RASAL1: variants seen among roughly 807,000 people sequenced by gnomAD.
RASAL1 encodes the protein RAS protein activator like 1, also known as rasGAP-activating-like protein 1.
RASAL1 carries 72 observed loss-of-function variants against 96.6 expected under a neutral mutation model. The observed-to-expected ratio is 0.75, with a 90% CI of 0.62 to 0.91. The LOEUF is 0.91. RASAL1 is among the 40% of genes least tolerant of loss of function. RASAL1 has a pLI of 0.00. For missense variants in RASAL1, 1,016 were observed against 1,072.5 expected, an observed-to-expected ratio of 0.95 and a Z score of 0.74; for synonymous variants, 405 against 430.4, an observed-to-expected ratio of 0.94 and a Z score of 0.73.
chr12:113,105,665 T>C (rs1364294121), intron 16 of RASAL1, 49 bp downstream of exon 16: 1 of 1,524,872 alleles, frequency 6.6e-7, no homozygotes, highest in South Asian at 1.3e-5. Flanking sequence ...GGCAGCACAC[T>C]GAAAAAGGCC....
chr12:113,132,327 A>C (rs1156359310), intron 1 of RASAL1, among the ~76,000 whole-genome samples: 1 of 151,900 alleles, frequency 6.6e-6, no homozygotes. Flanking sequence ...GCCACTTCCA[A>C]ACTGTGAACT....
At chr12:113,103,855 C>T in intron 18 of RASAL1, 91 bp downstream of exon 18, 1 of 1,522,320 alleles carries the variant, frequency 6.6e-7, no homozygotes, top group Non-Finnish European at 8.8e-7. Context: ...GTAACTTGCC[C>T]AAGGTTGCAC....
intron 18 of RASAL1, chr12:113,103,064 C>A: frequency 3.0e-6 from 1 of 330,386 alleles, no homozygotes; most frequent in South Asian, 2.4e-5. Flanking sequence ...GAGGCATCCA[C>A]TGGAATCTCA....
Position 113,107,125 on chromosome 12 carries a change from G to C in RASAL1, c.1629C>G (p.Asp543Glu), listed in dbSNP as rs202127063. Residue 543 changes from aspartate to glutamate, a missense_variant, in exon 15 of 21, where the codon GAC becomes GAG. By Grantham distance (45) the Asp-to-Glu change is conservative. Transcript: ENST00000548055. ...CATCCCCATCCACATCCACCAGCCG[G>C]TCCAGGAAGTCTCTCACACGTGAGA... is the stretch of plus-strand genomic sequence containing the variant. ...QCVSRVRDFLDRLVDVDGDEE... is the reference protein window; with the variant it reads ...QCVSRVRDFLERLVDVDGDEE... 6.2e-7 allele frequency: 1 copy of C among 1,613,492 alleles called. No homozygotes were observed. Among genetic ancestry groups the C allele is most frequent in the East Asian group, 2.2e-5 (1 of 44,858 alleles).
chr12:113,112,564 T>C (rs1950908830), intron 12 of RASAL1, among the ~76,000 whole-genome samples: 1 of 152,222 alleles, frequency 6.6e-6, no homozygotes, highest in East Asian at 1.9e-4. Flanking sequence ...TGCTTAGATG[T>C]CCCCTCCCCT....
chr12:113,125,934 C>G (rs143280752), intron 4 of RASAL1, among the ~76,000 whole-genome samples: 3 of 152,274 alleles, frequency 2.0e-5, no homozygotes, highest in Non-Finnish European at 4.4e-5. Context: ...ACGAAGAATG[C>G]GGAAACTCTG....
rs143036009 is a variant in RASAL1, at chr12:113,106,765, TTC to T, written c.1657+330_1657+331del. The stretch of plus-strand genomic sequence containing the variant: ...AATAAAAGCTCTGTGAGATCAGATT[TTC>T]TCTGTCTTGTTCACTGCTGCATCCC... On this transcript the variant is annotated intron_variant, in intron 15 of 20. Coordinates refer to ENST00000548055, the MANE Select transcript of RASAL1 (RefSeq NM_001301202.2). Among the ~76,000 whole-genome samples, 1,384 of 152,334 alleles carry T rather than the reference TTC, an allele frequency of 9.1e-3. 8 individuals are homozygous for T. The highest frequency in any genetic ancestry group is 0.02 in the Middle Eastern group (6 of 294).
chr12:113,128,512 C>CACACAG lies in RASAL1; in HGVS notation c.123-335_123-334insCTGTGT, dbSNP rs33988430. On this transcript the variant is annotated intron_variant, in intron 2 of 20. Coordinates refer to ENST00000548055, the MANE Select transcript of RASAL1 (RefSeq NM_001301202.2). ...CTCAACACACACACACACACACACA[C>CACACAG]AGAGGCACATACACAAAACACACAC... 1.1e-3 allele frequency among the ~76,000 whole-genome samples: 166 copies of CACACAG among 151,500 alleles called. 2 individuals carry two copies. Among genetic ancestry groups the CACACAG allele is most frequent in the South Asian group, 3.1e-3 (15 of 4,796 alleles).
intron 12 of RASAL1, among the ~76,000 whole-genome samples, chr12:113,114,503 A>G (rs1175437215): frequency 1.3e-5 from 2 of 151,912 alleles, no homozygotes; most frequent in Non-Finnish European, 2.9e-5. Flanking sequence ...AAAAAGGAAA[A>G]GAAAAGAAGC....
At chr12:113,110,222 G>A (rs1224313921) in intron 13 of RASAL1, among the ~76,000 whole-genome samples, 1 of 152,194 alleles carries the variant, frequency 6.6e-6, no homozygotes. Context: ...AGGGGGAGGA[G>A]GGGAGAGACC....
chr12:113,116,538 G>T (rs1014830253), intron 8 of RASAL1, among the ~76,000 whole-genome samples: 2 of 152,162 alleles, frequency 1.3e-5, no homozygotes, highest in African/African-American at 4.8e-5. Context: ...GTATGAACAG[G>T]GGTAGGCAGC....
chr12:113,118,538 G>C (rs1417841551), intron 7 of RASAL1, among the ~76,000 whole-genome samples: 1 of 152,160 alleles, frequency 6.6e-6, no homozygotes. Flanking sequence ...GGAATTGCTA[G>C]GTCATAGAGT....
At chr12:113,109,582 C>A (rs1950790631) in intron 13 of RASAL1, among the ~76,000 whole-genome samples, 1 of 152,204 alleles carries the variant, frequency 6.6e-6, no homozygotes, top group Admixed American at 6.5e-5. Context: ...AGCTCCCCAC[C>A]CACCTCTCAC....
chr12:113,130,308 T>C lies in RASAL1; in HGVS notation c.122+577A>G, dbSNP rs977640576. ...CCACACCGGTGCCTTTGTGACCAAA[T>C]CAGCTGGCATTGGTGTTCACATGCA... On this transcript the variant is annotated intron_variant, in intron 2 of 20. Coordinates refer to ENST00000548055, the MANE Select transcript of RASAL1 (RefSeq NM_001301202.2). The surrounding 1 kb of genome is among the most constrained non-coding windows in gnomAD (Gnocchi z 5.1). Among the ~76,000 whole-genome samples, 3 of 152,112 alleles carry C rather than the reference T, an allele frequency of 2.0e-5. No homozygotes were observed. Among genetic ancestry groups the C allele is most frequent in the African/African-American group, 7.2e-5 (3 of 41,418 alleles).
chr12:113,111,927 G>C (rs1017733361), intron 13 of RASAL1, among the ~76,000 whole-genome samples, 159 bp downstream of exon 13: 2 of 152,126 alleles, frequency 1.3e-5, no homozygotes, highest in Middle Eastern at 3.2e-3. Context: ...TCATTCTTGG[G>C]ACCCGGACCC....
intron 12 of RASAL1, among the ~76,000 whole-genome samples, chr12:113,113,257 G>C (rs1258034816): frequency 6.6e-6 from 1 of 152,148 alleles, no homozygotes; most frequent in East Asian, 1.9e-4. Context: ...CTTGTCTCTG[G>C]CATGGTCTCT....
At chr12:113,132,126 C>T (rs1007952753) in intron 1 of RASAL1, among the ~76,000 whole-genome samples, 1 of 152,030 alleles carries the variant, frequency 6.6e-6, no homozygotes, top group African/African-American at 2.4e-5. Context: ...CACACACCAC[C>T]ACACCTGGCT....
At position 113,108,184 on chromosome 12, in the gene RASAL1, C is replaced by T; in HGVS notation, c.1413G>A (p.Leu471=). 4 of 1,613,360 alleles carry T rather than the reference C, an allele frequency of 2.5e-6. No homozygotes were observed. Among genetic ancestry groups the T allele is most frequent in the Non-Finnish European group, 3.4e-6 (4 of 1,179,754 alleles). The part of the protein sequence containing the change: ...KYLAISGFLF[L]RFFAPAILTP... ...TAAGGATGGCAGGTGCGAAGAATCGCAAGAAGAGAAATCCACTGATGGCCA... is the reference window on the plus strand; with the variant it reads ...TAAGGATGGCAGGTGCGAAGAATCGTAAGAAGAGAAATCCACTGATGGCCA... Residue 471 remains leucine, a synonymous_variant, in exon 14 of 21, where the codon TTG becomes TTA. Transcript: ENST00000548055.
At chr12:113,128,200 G>A (rs749783461) in intron 2 of RASAL1, 22 bp from the exon 3 acceptor site, 8 of 1,562,534 alleles carry the variant, frequency 5.1e-6, no homozygotes, top group Non-Finnish European at 7.0e-6. Flanking sequence ...GGTGCAGGGG[G>A]CTGGGGTCCT....
Sources: gnomAD v4.1 joint callset for allele counts (sites outside exome capture counted in the v4.1 genomes callset) on GRCh38, gnomAD v4.1.1 for gene constraint, Gnocchi (gnomAD v3.1) non-coding constraint, MANE v1.5 for transcripts, NCBI Gene and HGNC (gene_info 2026-07-23, HGNC 2026-07-21) for gene names.